The following CDK14 variants were observed in gnomAD, a reference collection of about 807,000 sequenced individuals.
CDK14 encodes the protein cyclin dependent kinase 14.
In CDK14, 34 loss-of-function variants were observed where a neutral mutation model predicts 60.7. The ratio of observed to expected loss-of-function variants is 0.56; its 90% CI spans 0.43 to 0.75. CDK14 has a LOEUF of 0.75. Among genes scored for constraint, CDK14 ranks in the 30% least tolerant of loss-of-function variants. The pLI is 0.00. For synonymous variants in CDK14, 197 were observed against 203.7 expected (o/e 0.97, Z 0.28); for missense variants, 482 against 564.1 (o/e 0.85, Z 1.47).
chr7:90,976,244 G>C (rs902138263), intron 9 of CDK14, among the ~76,000 whole-genome samples: 1 of 152,028 alleles, frequency 6.6e-6, no homozygotes, highest in Non-Finnish European at 1.5e-5. Flanking sequence ...GTCTTATTGT[G>C]ATTTTGATGA....
intron 7 of CDK14, among the ~76,000 whole-genome samples, chr7:90,916,067 C>T (rs1012088288): frequency 2.4e-4 from 37 of 152,196 alleles, no homozygotes; most frequent in African/African-American, 7.5e-4. Context: ...GTTTTTATTT[C>T]GTTTTTTTAA....
At chr7:90,667,808 A>T (rs1426792353) in intron 2 of CDK14, among the ~76,000 whole-genome samples, 1 of 151,926 alleles carries the variant, frequency 6.6e-6, no homozygotes. Flanking sequence ...TGACTTTGTG[A>T]TCCGCCCGCC....
At chr7:90,976,331 G>C (rs1475814826) in intron 9 of CDK14, among the ~76,000 whole-genome samples, 1 of 152,036 alleles carries the variant, frequency 6.6e-6, no homozygotes, top group Non-Finnish European at 1.5e-5. Context: ...TTTGGAAAAT[G>C]TCTGTTCAGA....
intron 8 of CDK14, among the ~76,000 whole-genome samples, chr7:90,940,711 G>A (rs1057107202): frequency 2.6e-5 from 4 of 152,128 alleles, no homozygotes; most frequent in Non-Finnish European, 4.4e-5. Flanking sequence ...GCTTGAGCCC[G>A]GGAGGTTGAG....
At chr7:90,890,393 G>C (rs1792078512) in intron 6 of CDK14, among the ~76,000 whole-genome samples, 1 of 152,034 alleles carries the variant, frequency 6.6e-6, no homozygotes, top group South Asian at 2.1e-4. Flanking sequence ...TAGGTAGATA[G>C]GTAGGTAGGT....
At chr7:90,877,467 C>T (rs773122513) in intron 6 of CDK14, among the ~76,000 whole-genome samples, 2 of 151,816 alleles carry the variant, frequency 1.3e-5, no homozygotes, top group Non-Finnish European at 2.9e-5. Flanking sequence ...AAGAATTTTC[C>T]ATCTTTTGGG....
intron 8 of CDK14, among the ~76,000 whole-genome samples, chr7:90,954,350 G>A (rs1375295134): frequency 2.6e-5 from 4 of 152,074 alleles, no homozygotes; most frequent in Admixed American, 6.6e-5. Context: ...TAGGTTCACT[G>A]TAAAAATGTT....
chr7:90,992,345 G>A, intron 10 of CDK14, among the ~76,000 whole-genome samples: 1 of 152,062 alleles, frequency 6.6e-6, no homozygotes, highest in East Asian at 1.9e-4. Flanking sequence ...CTATAAAATG[G>A]AAAATGAGAA....
At chr7:90,952,918 A>G (rs1482743977) in intron 8 of CDK14, among the ~76,000 whole-genome samples, 2 of 152,232 alleles carry the variant, frequency 1.3e-5, no homozygotes, top group East Asian at 3.8e-4. Flanking sequence ...ATAAACATAT[A>G]GCAATATCTT....
At chr7:90,709,248 A>T (rs1342419021) in intron 2 of CDK14, 1 of 426,242 alleles carries the variant, frequency 2.3e-6, no homozygotes, top group Non-Finnish European at 4.1e-6. Context: ...ACACGTAGAC[A>T]CCATTTTAGC....
At chr7:90,813,201 C>T (rs984712683) in intron 5 of CDK14, among the ~76,000 whole-genome samples, 2 of 152,152 alleles carry the variant, frequency 1.3e-5, no homozygotes, top group Admixed American at 6.5e-5. Flanking sequence ...CTTGCTCTGT[C>T]GCCCAGGCTG....
At chr7:90,641,924 CAAGA>C (rs946109280) in intron 2 of CDK14, among the ~76,000 whole-genome samples, 63 of 152,122 alleles carry the variant, frequency 4.1e-4, no homozygotes, top group Non-Finnish European at 9.0e-4. Flanking sequence ...TGGTGGCAGA[CAAGA>C]GAGAGAGCTT....
intron 11 of CDK14, among the ~76,000 whole-genome samples, chr7:91,071,286 A>G (rs979546197): frequency 6.6e-6 from 1 of 152,218 alleles, no homozygotes; most frequent in Non-Finnish European, 1.5e-5. Flanking sequence ...TGAGGCTCTC[A>G]TCAAAAAGAA....
intron 7 of CDK14, among the ~76,000 whole-genome samples, chr7:90,911,204 C>T (rs189199374): frequency 2.0e-5 from 3 of 152,218 alleles, no homozygotes; most frequent in East Asian, 3.9e-4. Context: ...AGTAAGCACT[C>T]AATAAATGGT....
chr7:91,021,289 G>A (rs1270660054), intron 10 of CDK14, among the ~76,000 whole-genome samples: 1 of 152,124 alleles, frequency 6.6e-6, no homozygotes, highest in East Asian at 1.9e-4. Flanking sequence ...CACAACATGG[G>A]ACTTAACCTC....
intron 2 of CDK14, among the ~76,000 whole-genome samples, chr7:90,638,896 G>A (rs2116432040): frequency 6.6e-6 from 1 of 151,252 alleles, no homozygotes; most frequent in Non-Finnish European, 1.5e-5. Flanking sequence ...TTCCATCACT[G>A]GTACCCTTTC....
At chr7:90,761,181 C>A (rs982394898) in intron 4 of CDK14, among the ~76,000 whole-genome samples, 2 of 152,218 alleles carry the variant, frequency 1.3e-5, no homozygotes, top group African/African-American at 4.8e-5. Context: ...AGTGTTTAAA[C>A]GTATTGGCCT....
intron 2 of CDK14, among the ~76,000 whole-genome samples, chr7:90,702,300 A>G (rs1801802177): frequency 6.6e-6 from 1 of 152,154 alleles, no homozygotes; most frequent in African/African-American, 2.4e-5. Flanking sequence ...ATGTTACCGA[A>G]TACAAAAGGG....
intron 14 of CDK14, among the ~76,000 whole-genome samples, chr7:91,138,504 C>T (rs541769251): frequency 1.1e-4 from 16 of 152,202 alleles, no homozygotes; most frequent in African/African-American, 3.4e-4. Flanking sequence ...ACTGTATTGA[C>T]ATAGTGCATT....
Sources: allele counts gnomAD v4.1 joint callset (sites outside exome capture counted in the v4.1 genomes callset), GRCh38; gene constraint gnomAD v4.1.1; transcripts MANE v1.5; gene names NCBI Gene and HGNC (gene_info 2026-07-23, HGNC 2026-07-21).